Variants in THRB observed in about 807,000 individuals in gnomAD.
THRB encodes nuclear receptor subfamily 1 group A member 2.
Under a neutral mutation model 47.8 loss-of-function variants are expected in THRB, and 12 were observed. The ratio of observed to expected loss-of-function variants is 0.25; its 90% CI spans 0.16 to 0.41. THRB has a LOEUF of 0.41. Ranked by LOEUF, THRB falls within the 10% of genes least tolerant of loss-of-function variation. The probability of loss-of-function intolerance (pLI) is 1.00; values close to 1 mark genes in which losing one functional copy is unlikely to be tolerated. For missense variants in THRB, 348 were observed against 589.2 expected, an observed-to-expected ratio of 0.59 and a Z score of 4.24; for synonymous variants, 218 against 212.2, an observed-to-expected ratio of 1.03 and a Z score of -0.24.
At chr3:24,350,354 T>G (rs2063287182) in intron 1 of THRB, among the ~76,000 whole-genome samples, 1 of 152,062 alleles carries the variant, frequency 6.6e-6, no homozygotes, top group Non-Finnish European at 1.5e-5. Flanking sequence ...CTCCCAAACC[T>G]AACAGAAATG....
rs1371258620 is a variant in THRB at position 24,122,947 on chromosome 3, G to A, written c.1323C>T (p.His441=). The part of the protein sequence containing the change: ...IGACHASRFL[H]MKVECPTELF... ...GTTCTGTGGGGCATTCCACCTTCAT[G>A]TGCAGGAAGCGGCTGGCATGGCAGG... is the stretch of plus-strand genomic sequence containing the variant. The change falls in exon 11 of 11, where the codon CAC becomes CAT. Residue 441 remains histidine, a synonymous_variant. Coordinates refer to ENST00000646209, the MANE Select transcript of THRB (RefSeq NM_001354712.2). The A allele has an allele frequency of 8.7e-6, 14 of 1,614,208 alleles. No individual in the cohort carries two copies. The highest frequency in any genetic ancestry group is 1.2e-5 in the Non-Finnish European group (14 of 1,180,036).
intron 1 of THRB, among the ~76,000 whole-genome samples, chr3:24,338,792 G>A (rs1166448645): frequency 1.3e-5 from 2 of 152,124 alleles, no homozygotes; most frequent in African/African-American, 4.8e-5. Context: ...AAATTGACTT[G>A]CTTATTACTA....
chr3:24,322,599 C>G (rs773040352), intron 2 of THRB, among the ~76,000 whole-genome samples: 1 of 152,206 alleles, frequency 6.6e-6, no homozygotes, highest in South Asian at 2.1e-4. Flanking sequence ...TGGGGCATCA[C>G]AATCTCTCTT....
chr3:24,389,150 G>T (rs756321604), intron 1 of THRB, among the ~76,000 whole-genome samples: 6 of 152,154 alleles, frequency 3.9e-5, no homozygotes, highest in Non-Finnish European at 5.9e-5. Context: ...GTGTTTTCAA[G>T]GTGTAGGGAT....
intron 4 of THRB, among the ~76,000 whole-genome samples, chr3:24,204,570 G>C (rs866958803): frequency 3.3e-5 from 5 of 152,308 alleles, no homozygotes; most frequent in South Asian, 2.1e-4. Flanking sequence ...GAGCAGAAAA[G>C]CTGAAAATTC....
At chr3:24,454,640 T>C (rs1323490354) in intron 1 of THRB, among the ~76,000 whole-genome samples, 1 of 152,182 alleles carries the variant, frequency 6.6e-6, no homozygotes, top group Admixed American at 6.5e-5. Context: ...TTGCTTTTGA[T>C]AGGAGAAGAT....
At chr3:24,189,542 A>C (rs1161806296) in intron 5 of THRB, among the ~76,000 whole-genome samples, 4 of 152,154 alleles carry the variant, frequency 2.6e-5, no homozygotes, top group African/African-American at 9.7e-5. Context: ...TTATGAGCTG[A>C]CAACCTCCTA....
intron 3 of THRB, among the ~76,000 whole-genome samples, chr3:24,263,698 A>G (rs1417797741): frequency 6.6e-6 from 1 of 151,976 alleles, no homozygotes; most frequent in Non-Finnish European, 1.5e-5. Context: ...CATTTATAGA[A>G]TAGATACTTG....
intron 1 of THRB, among the ~76,000 whole-genome samples, chr3:24,462,493 C>T (rs558150561): frequency 6.6e-6 from 1 of 152,136 alleles, no homozygotes; most frequent in African/African-American, 2.4e-5. Context: ...AGGTCATAGC[C>T]CTGTTCTAAA....
intron 5 of THRB, among the ~76,000 whole-genome samples, chr3:24,171,994 A>G (rs1010357154): frequency 3.9e-5 from 6 of 152,212 alleles, no homozygotes; most frequent in Admixed American, 3.3e-4. Context: ...AATAAACTTT[A>G]TAATCAAATG....
intron 4 of THRB, among the ~76,000 whole-genome samples, chr3:24,224,492 G>A (rs978427110): frequency 3.3e-5 from 5 of 151,984 alleles, no homozygotes; most frequent in African/African-American, 7.3e-5. Flanking sequence ...TTCTACGTAG[G>A]TTGTAGGACA....
At chr3:24,266,029 T>G (rs1471041490) in intron 3 of THRB, among the ~76,000 whole-genome samples, 1 of 152,202 alleles carries the variant, frequency 6.6e-6, no homozygotes, top group Admixed American at 6.5e-5. Flanking sequence ...GTCATAATAA[T>G]GAAATTAAAT....
chr3:24,148,948 C>A (rs1479050406), intron 6 of THRB, among the ~76,000 whole-genome samples: 1 of 152,148 alleles, frequency 6.6e-6, no homozygotes, highest in African/African-American at 2.4e-5. Flanking sequence ...GCACTTGAGT[C>A]CATTAATTTC....
Position 24,125,471 on chromosome 3 carries a change from C to T in THRB, c.1144+2028G>A, listed in dbSNP as rs528965132. Reference sequence around the variant, plus strand: ...TCTAAAATCTCAGCTAAAAAAATTACCATGAGTCCCTCCAGAAATATAATT... The same window carrying T: ...TCTAAAATCTCAGCTAAAAAAATTATCATGAGTCCCTCCAGAAATATAATT... On this transcript the variant is annotated intron_variant, in intron 10 of 10. Transcript: ENST00000646209. 1.6e-4 allele frequency among the ~76,000 whole-genome samples: 25 copies of T among 152,320 alleles called. No individual in the cohort carries two copies. The South Asian group carries it at 5.0e-3, about 30-fold the overall frequency.
At chr3:24,150,988 A>G (rs2036836622) in intron 6 of THRB, among the ~76,000 whole-genome samples, 1 of 152,244 alleles carries the variant, frequency 6.6e-6, no homozygotes, top group African/African-American at 2.4e-5. Flanking sequence ...GTCTCTAATT[A>G]ATAAATAGCC....
chr3:24,335,877 C>T (rs1158618559), intron 2 of THRB, among the ~76,000 whole-genome samples: 4 of 152,040 alleles, frequency 2.6e-5, no homozygotes, highest in African/African-American at 9.7e-5. Flanking sequence ...GAGGTGCCCC[C>T]AGTTTCCTGG....
intron 10 of THRB, among the ~76,000 whole-genome samples, chr3:24,125,276 CTT>C (rs2032531980): frequency 6.6e-6 from 1 of 152,144 alleles, no homozygotes; most frequent in Non-Finnish European, 1.5e-5. Flanking sequence ...TCCACTCTCT[CTT>C]TGTTAAAAAA....
At chr3:24,341,564 A>T (rs1241532149) in intron 1 of THRB, among the ~76,000 whole-genome samples, 1 of 152,100 alleles carries the variant, frequency 6.6e-6, no homozygotes, top group Non-Finnish European at 1.5e-5. Context: ...AAAATACAGT[A>T]TTGTTAACAA....
At chr3:24,137,269 T>C (rs2034800014) in intron 8 of THRB, among the ~76,000 whole-genome samples, 1 of 152,354 alleles carries the variant, frequency 6.6e-6, no homozygotes, top group Admixed American at 6.5e-5. Flanking sequence ...TGTATACTTA[T>C]ACCAATATTT....
Sources: gnomAD v4.1 joint callset for allele counts (sites outside exome capture counted in the v4.1 genomes callset) on GRCh38, gnomAD v4.1.1 for gene constraint, MANE v1.5 for transcripts, NCBI Gene and HGNC (gene_info 2026-07-23, HGNC 2026-07-21) for gene names.